Variants in HPSE2 observed in about 807,000 individuals in gnomAD.
HPSE2 encodes the protein inactive heparanase-2.
In HPSE2, 38 loss-of-function variants were observed where a neutral mutation model predicts 60.5. The ratio of observed to expected loss-of-function variants is 0.63; its 90% CI spans 0.48 to 0.82. The LOEUF (loss-of-function observed/expected upper bound fraction) is 0.82. Ranked by LOEUF, HPSE2 falls within the 40% of genes least tolerant of loss-of-function variation. The probability of loss-of-function intolerance (pLI) is 0.00; values close to 1 mark genes in which losing one functional copy is unlikely to be tolerated. For synonymous variants in HPSE2, 295 were observed against 293.2 expected, an observed-to-expected ratio of 1.01 and a Z score of -0.06; for missense variants, 713 against 740.4, an observed-to-expected ratio of 0.96 and a Z score of 0.43.
In HPSE2 at chr10:99,132,241, G is replaced by GAGAAAGAAAGAA. The variant is rs1162292360; in HGVS notation, c.610+11985_610+11996dup. 4.3e-3 allele frequency among the ~76,000 whole-genome samples: 124 copies of GAGAAAGAAAGAA among 28,938 alleles called. 5 individuals carry two copies. The highest frequency in any genetic ancestry group is 6.4e-3 in the African/African-American group (60 of 9,318). 19.0% of individuals were successfully genotyped at this position (28,938 alleles called of 152,430 possible). A position where few individuals can be genotyped will look rare whatever the true frequency, so the allele number is the denominator to read the frequency against. On this transcript the variant is annotated intron_variant, in intron 3 of 11. Transcript: ENST00000370552. The stretch of plus-strand genomic sequence containing the variant: ...AGAGAGAGAGAGAGAGAGAGAGAGA[G>GAGAAAGAAAGAA]AGAAAGAAAGAAAGAAAGAAAGAAA...
At chr10:99,038,884 T>C (rs1957671216) in intron 3 of HPSE2, among the ~76,000 whole-genome samples, 1 of 152,168 alleles carries the variant, frequency 6.6e-6, no homozygotes, top group African/African-American at 2.4e-5. Context: ...TTCAATCGCT[T>C]TTCTGTGTTA....
intron 2 of HPSE2, among the ~76,000 whole-genome samples, chr10:99,215,102 G>A (rs1270107831): frequency 6.6e-6 from 1 of 152,102 alleles, no homozygotes; most frequent in Non-Finnish European, 1.5e-5. Flanking sequence ...ATACCCAGAG[G>A]AATATAACTC....
intron 3 of HPSE2, among the ~76,000 whole-genome samples, chr10:99,105,431 A>AT (rs74537909): frequency 0.016 from 2,198 of 134,508 alleles, 18 homozygotes; most frequent in Middle Eastern, 0.031. Context: ...TAATCAGGTT[A>AT]TTTTTTTTTT....
intron 9 of HPSE2, among the ~76,000 whole-genome samples, chr10:98,492,392 C>T (rs1941680477): frequency 6.6e-6 from 1 of 151,682 alleles, no homozygotes; most frequent in Admixed American, 6.6e-5. Context: ...GTCCCAGCTA[C>T]TCGGGAGGCT....
chr10:98,908,000 A>G (rs759529113), intron 3 of HPSE2, among the ~76,000 whole-genome samples: 40 of 152,218 alleles, frequency 2.6e-4, no homozygotes, highest in Admixed American at 2.3e-3. Flanking sequence ...CAGAACACTC[A>G]TTATCAAGTT....
intron 6 of HPSE2, among the ~76,000 whole-genome samples, chr10:98,682,908 G>T (rs978499162): frequency 6.6e-6 from 1 of 152,176 alleles, no homozygotes; most frequent in Non-Finnish European, 1.5e-5. Context: ...CTGAACTACA[G>T]TCAGGACCAT....
chr10:98,943,271 T>G (rs939037331), intron 3 of HPSE2, among the ~76,000 whole-genome samples: 2 of 151,306 alleles, frequency 1.3e-5, no homozygotes, highest in Non-Finnish European at 2.9e-5. Context: ...AATAAATAAA[T>G]AAAAATAAAA....
intron 5 of HPSE2, among the ~76,000 whole-genome samples, chr10:98,706,369 C>T (rs1373333815): frequency 6.6e-6 from 1 of 152,176 alleles, no homozygotes; most frequent in Non-Finnish European, 1.5e-5. Flanking sequence ...GACTTGAGCC[C>T]TTCAATGCTT....
chr10:98,537,720 G>A (rs564510788), intron 9 of HPSE2, among the ~76,000 whole-genome samples: 7 of 152,170 alleles, frequency 4.6e-5, no homozygotes, highest in Middle Eastern at 6.8e-3. Context: ...ACCGCGAAAG[G>A]GAGTCTCCTT....
At chr10:99,266,505 G>A in the HPSE2 span, among the ~76,000 whole-genome samples, 7 of 152,028 alleles carry the variant, frequency 4.6e-5, no homozygotes, top group Non-Finnish European at 1.5e-5. Flanking sequence ...TACCCAAGGA[G>A]AGTCTCAGCT....
intron 3 of HPSE2, among the ~76,000 whole-genome samples, chr10:98,930,619 C>A (rs1191258915): frequency 6.9e-6 from 1 of 144,734 alleles, no homozygotes; most frequent in African/African-American, 2.8e-5. Flanking sequence ...ACAAGCGTTC[C>A]TATTTCTCCA....
At chr10:99,102,370 G>A (rs191722046) in intron 3 of HPSE2, among the ~76,000 whole-genome samples, 2 of 152,132 alleles carry the variant, frequency 1.3e-5, no homozygotes, top group East Asian at 1.9e-4. Context: ...GGAAATAAAC[G>A]AGAAAATCTA....
chr10:99,149,741 T>C (rs1221036413), intron 2 of HPSE2, among the ~76,000 whole-genome samples: 3 of 152,230 alleles, frequency 2.0e-5, no homozygotes, highest in Non-Finnish European at 4.4e-5. Flanking sequence ...GTATTTTTCT[T>C]ATGTCTTTAT....
the HPSE2 span, among the ~76,000 whole-genome samples, chr10:99,273,396 T>G: frequency 2.0e-5 from 3 of 152,164 alleles, no homozygotes; most frequent in African/African-American, 4.8e-5. Context: ...ACACTACCTG[T>G]TCCCCAAAAA....
intron 3 of HPSE2, among the ~76,000 whole-genome samples, chr10:98,878,491 G>A (rs2134867946): frequency 6.6e-6 from 1 of 152,058 alleles, no homozygotes; most frequent in South Asian, 2.1e-4. Flanking sequence ...AGGACAAGTT[G>A]GCTAAGGGTA....
At position 98,514,711 on chromosome 10, in the gene HPSE2, G is replaced by GT. The variant is rs35977879; in HGVS notation, c.1321-24516dup. On this transcript the variant is annotated intron_variant, in intron 9 of 11. Transcript: ENST00000370552. ...TCATTTGGCTGTGGTTATATACTTT[G>GT]TTTTTTTTTTTTTTTTTTTTTTTTT... is the stretch of plus-strand genomic sequence containing the variant. Among the ~76,000 whole-genome samples the GT allele has an allele frequency of 9.1e-3, 619 of 67,718 alleles. 59 individuals are homozygous for GT. Among genetic ancestry groups the GT allele is most frequent in the African/African-American group, 0.028 (532 of 19,068 alleles). The allele number at this position is 67,718 out of a possible 152,430, so 44.4% of individuals were successfully genotyped here.
chr10:98,725,654 T>C (rs1212535708), intron 4 of HPSE2, among the ~76,000 whole-genome samples: 5 of 152,056 alleles, frequency 3.3e-5, no homozygotes, highest in African/African-American at 1.2e-4. Flanking sequence ...CTAATTAAAC[T>C]AAAGAGCTTC....
intron 4 of HPSE2, among the ~76,000 whole-genome samples, chr10:98,743,378 T>C (rs942669022): frequency 2.0e-5 from 3 of 152,220 alleles, no homozygotes; most frequent in Admixed American, 6.5e-5. Flanking sequence ...AAAAAATGTC[T>C]AACAGATTTC....
the HPSE2 span, among the ~76,000 whole-genome samples, chr10:99,305,979 G>GCGTGCGCGCACA: frequency 3.7e-5 from 3 of 80,586 alleles, no homozygotes; most frequent in African/African-American, 1.6e-4. Context: ...GCGCGCGCGC[G>GCGTGCGCGCACA]CACACACACA....
Sources: allele counts gnomAD v4.1 joint callset (sites outside exome capture counted in the v4.1 genomes callset), GRCh38; gene constraint gnomAD v4.1.1; transcripts MANE v1.5; gene names NCBI Gene and HGNC (gene_info 2026-07-23, HGNC 2026-07-21).